The following BAZ2B variants were observed in gnomAD, a reference collection of about 807,000 sequenced individuals.
BAZ2B encodes bromodomain adjacent to zinc finger domain protein 2B.
Under a neutral mutation model 246.0 loss-of-function variants are expected in BAZ2B, and 91 were observed. The observed-to-expected ratio is 0.37, with a 90% CI of 0.31 to 0.44. The LOEUF is 0.44. Among genes scored for constraint, BAZ2B ranks in the 20% least tolerant of loss-of-function variants. The pLI is 1.00. For missense variants in BAZ2B, 2,332 were observed against 2,533.7 expected, an observed-to-expected ratio of 0.92 and a Z score of 1.71; for synonymous variants, 855 against 860.0, an observed-to-expected ratio of 0.99 and a Z score of 0.10.
At chr2:159,529,954 T>A (rs2085201001) in intron 2 of BAZ2B, among the ~76,000 whole-genome samples, 1 of 152,192 alleles carries the variant, frequency 6.6e-6, no homozygotes, top group African/African-American at 2.4e-5. Flanking sequence ...ACATTCAATA[T>A]GAAAGATCTC....
At chr2:159,442,486 T>C (rs73967870) in intron 6 of BAZ2B, among the ~76,000 whole-genome samples, 2,782 of 152,316 alleles carry the variant, frequency 0.018, 78 homozygotes, top group African/African-American at 0.062. Flanking sequence ...TGATGTATAC[T>C]TCCCCCTCAT....
the BAZ2B span, among the ~76,000 whole-genome samples, chr2:159,651,022 GA>G: frequency 5.9e-5 from 9 of 152,022 alleles, no homozygotes; most frequent in African/African-American, 2.2e-4. Flanking sequence ...ATTTTTAATT[GA>G]TAAAAATTCC....
Position 159,433,380 on chromosome 2 carries a change from T to A in BAZ2B, c.1294-17A>T, listed in dbSNP as rs1250888270. 1 of 1,580,458 alleles carries A rather than the reference T, an allele frequency of 6.3e-7. No homozygotes were observed. The highest frequency in any genetic ancestry group is 1.9e-5 in the Admixed American group (1 of 52,984). ...ATATTGTTCCTGTTGAAACATAAGTTAAAAAACACAACAAAATGTACCACA... is the reference window on the plus strand; with the variant it reads ...ATATTGTTCCTGTTGAAACATAAGTAAAAAAACACAACAAAATGTACCACA... On this transcript the variant is annotated splice_polypyrimidine_tract_variant and intron_variant, in intron 8 of 36. Transcript: ENST00000392783.
intron 2 of BAZ2B, among the ~76,000 whole-genome samples, chr2:159,529,349 T>A (rs2085109564): frequency 6.6e-6 from 1 of 152,148 alleles, no homozygotes; most frequent in Non-Finnish European, 1.5e-5. Flanking sequence ...TGTTCATTTA[T>A]GTGAAATCTC....
At chr2:159,326,793 C>T (rs1187572772) in intron 34 of BAZ2B, among the ~76,000 whole-genome samples, 1 of 152,110 alleles carries the variant, frequency 6.6e-6, no homozygotes, top group African/African-American at 2.4e-5. Flanking sequence ...CACACTGATG[C>T]AACAAGAAGG....
chr2:159,382,512 ATGT>A (rs1401207729), intron 25 of BAZ2B, 44 bp downstream of exon 25: 1 of 1,509,998 alleles, frequency 6.6e-7, no homozygotes, highest in Non-Finnish European at 8.9e-7. Context: ...TTTTAAAAAT[ATGT>A]TATGCAGTTC....
At chr2:159,531,478 A>C (rs1182786998) in intron 2 of BAZ2B, among the ~76,000 whole-genome samples, 1 of 152,198 alleles carries the variant, frequency 6.6e-6, no homozygotes, top group African/African-American at 2.4e-5. Flanking sequence ...GTTTCTTTAT[A>C]ATGAAACACC....
intron 3 of BAZ2B, among the ~76,000 whole-genome samples, chr2:159,470,598 G>C (rs2077661202): frequency 6.6e-6 from 1 of 152,344 alleles, no homozygotes; most frequent in South Asian, 2.1e-4. Flanking sequence ...ATATAGACGA[G>C]AGATTTTAGT....
chr2:159,450,756 T>C (rs992868812), intron 4 of BAZ2B, among the ~76,000 whole-genome samples: 2 of 151,894 alleles, frequency 1.3e-5, no homozygotes, highest in Non-Finnish European at 2.9e-5. Flanking sequence ...TTTTTTTTTT[T>C]TGAGACAGAA....
Position 159,373,031 on chromosome 2 carries a change from T to C in BAZ2B, c.4213+14A>G, listed in dbSNP as rs757404826. ...TTCTTATTTAACAATTTGTATCGGA[T>C]TATGAGTTCTAACCTTCACCACTCT... is the stretch of plus-strand genomic sequence containing the variant. On this transcript the variant is annotated intron_variant, in intron 27 of 36. Transcript: ENST00000392783. 19 of 1,599,562 alleles carry C rather than the reference T, an allele frequency of 1.2e-5. No homozygotes were observed. Among genetic ancestry groups the C allele is most frequent in the Non-Finnish European group, 1.4e-5 (17 of 1,175,470 alleles).
rs377304982 is a variant in BAZ2B, at chr2:159,432,906, G to C, written c.1751C>G (p.Ala584Gly). The C allele has an allele frequency of 6.8e-6, 11 of 1,613,972 alleles. No individual in the cohort carries two copies. Among genetic ancestry groups the C allele is most frequent in the African/African-American group, 1.3e-5 (1 of 74,870 alleles). Residue 584 changes from alanine (A) to glycine (G), a missense_variant, in exon 9 of 37, where the codon GCA (alanine) becomes GGA (glycine). Around this residue, in one of 9 missense-constraint regions of BAZ2B, gnomAD observed 651 missense variants for 650.9 expected, o/e 1.00. Transcript: ENST00000392783. ...TCTGAATTGTTCCACTAAAGATTTT[G>C]CAGGATGGGAGTGATGCTGTGTTTT... ...PVKTQHHSHP[A>G]KSLVEQFRGT...
At chr2:159,559,363 T>C (rs2089588806) in intron 1 of BAZ2B, among the ~76,000 whole-genome samples, 1 of 152,196 alleles carries the variant, frequency 6.6e-6, no homozygotes, top group African/African-American at 2.4e-5. Flanking sequence ...GCAAAAATAG[T>C]CTTTTGATGG....
chr2:159,375,181 C>T (rs555957634), intron 25 of BAZ2B, among the ~76,000 whole-genome samples: 1 of 152,270 alleles, frequency 6.6e-6, no homozygotes, highest in South Asian at 2.1e-4. Flanking sequence ...GCACTCCAGC[C>T]TGCAGACCCT....
chr2:159,409,665 T>G (rs1181953644), intron 14 of BAZ2B, among the ~76,000 whole-genome samples: 1 of 152,172 alleles, frequency 6.6e-6, no homozygotes, highest in Non-Finnish European at 1.5e-5. Flanking sequence ...CCCCAAAGTG[T>G]TACCAAAGAA....
the BAZ2B span, among the ~76,000 whole-genome samples, chr2:159,663,965 C>T: frequency 8.6e-5 from 8 of 93,030 alleles, no homozygotes; most frequent in African/African-American, 1.3e-4. Flanking sequence ...CATGCTGGTG[C>T]GCTGCACCCA....
the BAZ2B span, chr2:159,695,525 G>C: frequency 6.6e-6 from 1 of 151,982 alleles, no homozygotes; most frequent in Admixed American, 6.6e-5. Context: ...CTTAAAGTTA[G>C]ATCTTTAATC....
chr2:159,654,371 G>A, the BAZ2B span, among the ~76,000 whole-genome samples: 1 of 152,064 alleles, frequency 6.6e-6, no homozygotes, highest in Non-Finnish European at 1.5e-5. Flanking sequence ...GGAAAGATAG[G>A]CTTGAATATA....
rs2070642261 is a variant in BAZ2B, at chr2:159,429,339, TA to T, written c.2195-80del. ...TATTGATAGTTTAGAAACTTTTCTT[TA>T]AAAAAGTATATGTTAATAACTTGGA... On this transcript the variant is annotated intron_variant, in intron 10 of 36. Transcript: ENST00000392783. 5 of 811,026 alleles carry T rather than the reference TA, an allele frequency of 6.2e-6. No homozygotes were observed. The East Asian group carries it at 8.5e-5, about 14-fold the overall frequency. 50.2% of individuals were successfully genotyped at this position (811,026 alleles called of 1,614,324 possible). A position where few individuals can be genotyped will look rare whatever the true frequency, so the allele number is the denominator to read the frequency against.
intron 36 of BAZ2B, among the ~76,000 whole-genome samples, chr2:159,322,660 T>C (rs1046387587): frequency 2.0e-5 from 3 of 152,190 alleles, no homozygotes; most frequent in Non-Finnish European, 4.4e-5. Context: ...GAAAAAAGTA[T>C]ACAACTCATA....
Sources: allele counts gnomAD v4.1 joint callset (sites outside exome capture counted in the v4.1 genomes callset), GRCh38; gene constraint gnomAD v4.1.1; regional missense constraint gnomAD v4.1.1; transcripts MANE v1.5; gene names NCBI Gene and HGNC (gene_info 2026-07-23, HGNC 2026-07-21).